The following TRIM14 variants were observed in gnomAD, a reference collection of about 807,000 sequenced individuals.
The protein encoded by TRIM14 is tripartite motif containing 14, also known as tripartite motif-containing protein 14.
A neutral mutation model predicts 44.5 loss-of-function variants in TRIM14; 28 were observed. That is an observed-to-expected ratio of 0.63 (90% CI 0.47 to 0.86). The LOEUF (loss-of-function observed/expected upper bound fraction) is 0.86. Ranked by LOEUF, TRIM14 falls within the 40% of genes least tolerant of loss-of-function variation. The pLI is 0.00. For synonymous variants in TRIM14, 299 were observed against 269.2 expected, an observed-to-expected ratio of 1.11 and a Z score of -1.08; for missense variants, 607 against 611.1, an observed-to-expected ratio of 0.99 and a Z score of 0.07.
At chr9:98,078,062 G>A in intron 6 of TRIM14, 3 of 1,352,264 alleles carry the variant, frequency 2.2e-6, no homozygotes, top group South Asian at 1.5e-5. Flanking sequence ...TCCCCCACAG[G>A]GGCTGGCACA....
chr9:98,078,897 C>T (rs1223682882), intron 6 of TRIM14, among the ~76,000 whole-genome samples: 2 of 150,834 alleles, frequency 1.3e-5, no homozygotes, highest in African/African-American at 2.4e-5. Context: ...TACCTTTTGG[C>T]TATTGTGAAT....
intron 6 of TRIM14, among the ~76,000 whole-genome samples, chr9:98,072,541 G>C (rs1300005191): frequency 1.3e-5 from 2 of 151,926 alleles, no homozygotes; most frequent in Non-Finnish European, 2.9e-5. Flanking sequence ...CTCCCGAGTA[G>C]CTGGGACTAC....
chr9:98,073,590 CTT>C (rs34969073), intron 6 of TRIM14, among the ~76,000 whole-genome samples: 5 of 141,646 alleles, frequency 3.5e-5, no homozygotes, highest in Non-Finnish European at 4.6e-5. Context: ...GCCTGGGCTT[CTT>C]TTTTTTTTTT....
At chr9:98,047,715 G>T in the TRIM14 span, among the ~76,000 whole-genome samples, 6 of 152,080 alleles carry the variant, frequency 3.9e-5, no homozygotes, top group Non-Finnish European at 8.8e-5. Context: ...AATTATGGGG[G>T]AATTCTCAGC....
intron 1 of TRIM14, 115 bp downstream of exon 1, chr9:98,118,866 GT>G: frequency 8.1e-7 from 1 of 1,241,070 alleles, no homozygotes; most frequent in Non-Finnish European, 1.1e-6. Context: ...GGCACCTTTG[GT>G]TTCCAGGTTG....
rs143502760 is a variant in TRIM14 at position 98,095,710 on chromosome 9, C to T, written c.538-681G>A. Among the ~76,000 whole-genome samples, 130 of 152,300 alleles carry T rather than the reference C, an allele frequency of 8.5e-4. 2 individuals are homozygous for T. The South Asian group carries it at 0.014, about 17-fold the overall frequency. ...CTGCAGGAGTGTGACCAGACGCCTC[C>T]AAGCCAAAGCGTGGATTTGGAAATG... On this transcript the variant is annotated intron_variant, in intron 3 of 5. Coordinates refer to ENST00000341469, the MANE Select transcript of TRIM14 (RefSeq NM_014788.4). This position sits in a 1 kb window ranked among gnomAD's most constrained non-coding sequence, Gnocchi z 4.1.
the TRIM14 span, among the ~76,000 whole-genome samples, chr9:98,054,374 T>C: frequency 6.6e-6 from 1 of 152,128 alleles, no homozygotes; most frequent in Admixed American, 6.5e-5. Context: ...ATCTTACTGA[T>C]TGAGGAGAAG....
chr9:98,070,807 ATTT>A lies in TRIM14; in HGVS notation c.*29-1123_*29-1121del, dbSNP rs11464981. Among the ~76,000 whole-genome samples, 294 of 144,786 alleles carry A rather than the reference ATTT, an allele frequency of 2.0e-3. 1 individual carries two copies. The highest frequency in any genetic ancestry group is 7.2e-3 in the African/African-American group (282 of 39,340). 95.0% of individuals were successfully genotyped at this position (144,786 alleles called of 152,430 possible). On this transcript the variant is annotated intron_variant, in intron 6 of 6. Coordinates refer to the TRIM14 transcript ENST00000375098. ...AAAAAGATCTGCAGACTCTTTAGTAATTTTTTTTTTTTTTTGAGACAGGGTCTC... is the reference window on the plus strand; with the variant it reads ...AAAAAGATCTGCAGACTCTTTAGTAATTTTTTTTTTTTGAGACAGGGTCTC...
intron 1 of TRIM14, among the ~76,000 whole-genome samples, chr9:98,117,012 G>C (rs1430095631): frequency 5.3e-5 from 8 of 152,112 alleles, no homozygotes; most frequent in African/African-American, 1.9e-4. Context: ...TTATGTTTCA[G>C]AAGAAAATCT....
At chr9:98,073,907 C>T (rs745777244) in intron 6 of TRIM14, among the ~76,000 whole-genome samples, 26 of 152,172 alleles carry the variant, frequency 1.7e-4, no homozygotes, top group Non-Finnish European at 2.9e-4. Flanking sequence ...CCACTTCAGC[C>T]TCCTGAGTAG....
the TRIM14 span, among the ~76,000 whole-genome samples, chr9:98,042,120 T>G: frequency 6.6e-6 from 1 of 150,744 alleles, no homozygotes; most frequent in Non-Finnish European, 1.5e-5. Flanking sequence ...GGTGAAACCC[T>G]GTCTCTACTA....
chr9:98,057,902 G>GTTTTTTTTTTTTTTCTT, the TRIM14 span, among the ~76,000 whole-genome samples: 1 of 93,230 alleles, frequency 1.1e-5, no homozygotes, highest in African/African-American at 4.2e-5. Context: ...TTCTCTTACT[G>GTTTTTTTTTTTTTTCTT]TTTTTTTTTT....
intron 5 of TRIM14, among the ~76,000 whole-genome samples, chr9:98,091,071 C>T (rs1054847813): frequency 9.9e-5 from 15 of 152,082 alleles, no homozygotes; most frequent in Admixed American, 3.3e-4. Flanking sequence ...TAGGTTGACA[C>T]CCAGTAATTC....
intron 2 of TRIM14, among the ~76,000 whole-genome samples, chr9:98,109,197 C>T (rs1826742462): frequency 6.6e-6 from 1 of 152,048 alleles, no homozygotes; most frequent in Non-Finnish European, 1.5e-5. Flanking sequence ...CCCAGGAGGG[C>T]CTCCCACCCC....
the TRIM14 span, chr9:98,061,089 C>G: frequency 3.4e-6 from 4 of 1,188,086 alleles, no homozygotes; most frequent in African/African-American, 1.5e-5. Flanking sequence ...CACCTCCAGC[C>G]CTTGCTCATC....
chr9:98,057,204 A>G, the TRIM14 span, among the ~76,000 whole-genome samples: 1 of 152,228 alleles, frequency 6.6e-6, no homozygotes, highest in Non-Finnish European at 1.5e-5. Context: ...TCTAAAAGTC[A>G]GACTTGATCA....
the TRIM14 span, chr9:98,060,977 A>G: frequency 6.2e-7 from 1 of 1,613,854 alleles, no homozygotes; most frequent in South Asian, 1.1e-5. Flanking sequence ...GATCTTCTTC[A>G]CTGCCTCTGG....
At chr9:98,061,501 G>T in the TRIM14 span, among the ~76,000 whole-genome samples, 3 of 142,650 alleles carry the variant, frequency 2.1e-5, no homozygotes, top group Non-Finnish European at 4.5e-5. Flanking sequence ...AAAAAAAAAG[G>T]CCAGGCGCGG....
At chr9:98,062,670 C>T in the TRIM14 span, among the ~76,000 whole-genome samples, 1 of 151,966 alleles carries the variant, frequency 6.6e-6, no homozygotes, top group Non-Finnish European at 1.5e-5. Flanking sequence ...CAAACTTTTA[C>T]CCCACCTTAT....
Sources: gnomAD v4.1 joint callset for allele counts (sites outside exome capture counted in the v4.1 genomes callset) on GRCh38, gnomAD v4.1.1 for gene constraint, Gnocchi (gnomAD v3.1) non-coding constraint, MANE v1.5 for transcripts, NCBI Gene and HGNC (gene_info 2026-07-23, HGNC 2026-07-21) for gene names.